The following SCUBE2 variants were observed in gnomAD, a reference collection of about 807,000 sequenced individuals.
SCUBE2 encodes the protein signal peptide, CUB domain and EGF like domain containing 2.
SCUBE2 carries 114 observed loss-of-function variants against 125.9 expected under a neutral mutation model. That is an observed-to-expected ratio of 0.91 (90% CI 0.78 to 1.06). The LOEUF (loss-of-function observed/expected upper bound fraction) is 1.06. Among genes scored for constraint, SCUBE2 ranks in the 50% least tolerant of loss-of-function variants. The pLI is 0.00. For synonymous variants in SCUBE2, 459 were observed against 492.9 expected (o/e 0.93, Z 0.91); for missense variants, 1,255 against 1,301.8 (o/e 0.96, Z 0.55).
intron 7 of SCUBE2, 77 bp from the exon 8 acceptor site, chr11:9,060,601 G>C (rs192688261): frequency 1.7e-6 from 2 of 1,206,080 alleles, no homozygotes; most frequent in East Asian, 4.7e-5. Flanking sequence ...CAGAAGCCAA[G>C]AAGCATGGTG....
At chr11:9,039,348 G>T (rs184410162) in intron 16 of SCUBE2, among the ~76,000 whole-genome samples, 1 of 152,168 alleles carries the variant, frequency 6.6e-6, no homozygotes, top group Non-Finnish European at 1.5e-5. Flanking sequence ...ATTTGCACAC[G>T]GACTGGATGA....
In SCUBE2 at chr11:9,065,989, G is replaced by A. The variant is rs755083659; in HGVS notation, c.761-9C>T. 2.5e-6 allele frequency: 4 copies of A among 1,602,242 alleles called. No individual in the cohort carries two copies. The highest frequency in any genetic ancestry group is 2.2e-5 in the South Asian group (2 of 90,698). ...GACAGTGTCCTCTCGCTCTACAAGA[G>A]AAGCAAAAGAGCACGGTTCTCAGAC... On this transcript the variant is annotated splice_polypyrimidine_tract_variant and intron_variant, in intron 6 of 22. Transcript: ENST00000649792.
chr11:9,035,890 A>G (rs1856713153), intron 16 of SCUBE2, among the ~76,000 whole-genome samples: 1 of 152,066 alleles, frequency 6.6e-6, no homozygotes. Flanking sequence ...ACAATTTTAT[A>G]TATATAGATT....
At chr11:9,080,688 C>T (rs1445593435) in intron 2 of SCUBE2, among the ~76,000 whole-genome samples, 1 of 150,506 alleles carries the variant, frequency 6.6e-6, no homozygotes, top group African/African-American at 2.4e-5. Context: ...ATCTTTAAGA[C>T]ATTGGATGAG....
intron 21 of SCUBE2, 30 bp downstream of exon 21, chr11:9,025,672 C>G (rs745710634): frequency 6.2e-7 from 1 of 1,612,434 alleles, no homozygotes; most frequent in South Asian, 1.1e-5. Context: ...AGCAGAGACG[C>G]TCTTTCCATG....
intron 16 of SCUBE2, among the ~76,000 whole-genome samples, chr11:9,038,890 C>A (rs1467322917): frequency 6.6e-6 from 1 of 151,864 alleles, no homozygotes; most frequent in Admixed American, 6.6e-5. Context: ...CTTTTCTTTT[C>A]TTTTCTTTTC....
intron 2 of SCUBE2, among the ~76,000 whole-genome samples, chr11:9,088,305 T>C (rs980076017): frequency 6.6e-6 from 1 of 152,204 alleles, no homozygotes; most frequent in Non-Finnish European, 1.5e-5. Context: ...CTGGCCAACA[T>C]GGTGAAACCC....
chr11:9,033,974 T>G (rs1453403742), intron 16 of SCUBE2, among the ~76,000 whole-genome samples, 178 bp from the exon 17 acceptor site: 4 of 152,028 alleles, frequency 2.6e-5, no homozygotes, highest in Admixed American at 1.3e-4. Context: ...CACAGCTTGA[T>G]CCTCATTGCC....
At chr11:9,046,709 T>C (rs561560335) in intron 16 of SCUBE2, among the ~76,000 whole-genome samples, 4 of 152,368 alleles carry the variant, frequency 2.6e-5, no homozygotes, top group Middle Eastern at 3.4e-3. Flanking sequence ...TTTTACTTTT[T>C]TCCACTTTGT....
rs567382712 is a variant in SCUBE2 at position 9,038,057 on chromosome 11, A to G, written c.2003-4261T>C. 2.0e-5 allele frequency among the ~76,000 whole-genome samples: 3 copies of G among 152,242 alleles called. No individual in the cohort carries two copies. The South Asian group carries it at 6.2e-4, about 32-fold the overall frequency. ...GAAGATTCATTTACTCATTCATTCA[A>G]TAAGTACTTATTGAGCACTCATTAT... On this transcript the variant is annotated intron_variant, in intron 16 of 22. Transcript: ENST00000649792.
At chr11:9,059,215 T>A in intron 9 of SCUBE2, 88 bp downstream of exon 9, 1 of 1,499,684 alleles carries the variant, frequency 6.7e-7, no homozygotes, top group Non-Finnish European at 9.0e-7. Flanking sequence ...AGAAGCCTGA[T>A]AAGCCAGTCT....
chr11:9,025,805 G>T lies in SCUBE2; in HGVS notation c.2751C>A (p.Arg917=), dbSNP rs1259446340. 1.2e-6 allele frequency: 2 copies of T among 1,614,206 alleles called. No homozygotes were observed. The highest frequency in any genetic ancestry group is 3.3e-5 in the Admixed American group (2 of 60,012). The change falls in exon 21 of 23, where the codon CGC becomes CGA. Residue 917 remains arginine (R), a synonymous_variant. Coordinates refer to ENST00000649792, the MANE Select transcript of SCUBE2 (RefSeq NM_001367977.2). ...TTYETCQTYE[R]PIAFTSRSKK... is the part of the protein sequence containing the mutation. ...TTGACCTGGAGGTGAAGGCGATGGG[G>T]CGTTCGTAGGTCTGGCAGGTTTCAT...
intron 2 of SCUBE2, among the ~76,000 whole-genome samples, chr11:9,085,521 T>G (rs1168971968): frequency 6.6e-6 from 1 of 152,062 alleles, no homozygotes. Context: ...GGTCAGGAGA[T>G]AGAGACCATC....
chr11:9,050,347 T>C (rs1053214767), intron 14 of SCUBE2: 2 of 390,574 alleles, frequency 5.1e-6, no homozygotes, highest in Non-Finnish European at 9.2e-6. Flanking sequence ...TGTGAACTCG[T>C]GGGTTTCCCC....
chr11:9,079,523 CA>C lies in SCUBE2; in HGVS notation c.257-15del. 6.2e-7 allele frequency: 1 copy of C among 1,612,738 alleles called. No homozygotes were observed. The highest frequency in any genetic ancestry group is 8.5e-7 in the Non-Finnish European group (1 of 1,179,334). ...ATTCATCGATGTCTGAGGAATAAAACAGAAGTAAACCAGACAGGTGCTATTT... is the reference window on the plus strand; with the variant it reads ...ATTCATCGATGTCTGAGGAATAAAACGAAGTAAACCAGACAGGTGCTATTT... On this transcript the variant is annotated splice_polypyrimidine_tract_variant and intron_variant, in intron 2 of 22. Transcript: ENST00000649792.
chr11:9,055,846 A>C lies in SCUBE2; in HGVS notation c.1154T>G (p.Phe385Cys). The C allele has an allele frequency of 6.2e-7, 1 of 1,614,186 alleles. No individual in the cohort carries two copies. The highest frequency in any genetic ancestry group is 1.7e-5 in the Admixed American group (1 of 60,026). ...GTACCCTCGGTTGCAAGCACAAGCA[A>C]ATGTGCCAGGGTGGTTGATGCAGCT... is the stretch of plus-strand genomic sequence containing the variant. ...DHSCINHPGT[F>C]ACACNRGYTL... The change falls in exon 10 of 23, where the codon TTT becomes TGT. Residue 385 changes from phenylalanine (F) to cysteine (C), a missense_variant. Transcript: ENST00000649792.
chr11:9,090,148 G>C (rs1463678241), intron 1 of SCUBE2, among the ~76,000 whole-genome samples: 2 of 152,156 alleles, frequency 1.3e-5, no homozygotes, highest in Non-Finnish European at 2.9e-5. Context: ...GGCTTTGCAT[G>C]CACACATCAG....
intron 21 of SCUBE2, 53 bp from the exon 22 acceptor site, chr11:9,022,008 C>T (rs900207224): frequency 1.5e-6 from 2 of 1,319,018 alleles, no homozygotes; most frequent in Non-Finnish European, 2.2e-6. Context: ...TGCTTCCAAA[C>T]TCACTCTTTC....
intron 7 of SCUBE2, among the ~76,000 whole-genome samples, chr11:9,063,480 A>C (rs1185686014): frequency 2.0e-5 from 3 of 152,208 alleles, no homozygotes; most frequent in Non-Finnish European, 2.9e-5. Context: ...AAATGATTTT[A>C]GACTTCTCAA....
Sources: allele counts gnomAD v4.1 joint callset (sites outside exome capture counted in the v4.1 genomes callset), GRCh38; gene constraint gnomAD v4.1.1; transcripts MANE v1.5; gene names NCBI Gene and HGNC (gene_info 2026-07-23, HGNC 2026-07-21).